Variants in COP1 observed in about 807,000 individuals in gnomAD.
The protein encoded by COP1 is E3 ubiquitin-protein ligase COP1.
A neutral mutation model predicts 101.3 loss-of-function variants in COP1; 24 were observed. The observed-to-expected ratio is 0.24, with a 90% CI of 0.17 to 0.33. The LOEUF is 0.33. Among genes scored for constraint, COP1 ranks in the 10% least tolerant of loss-of-function variants. The probability of loss-of-function intolerance (pLI) is 1.00; values close to 1 mark genes in which losing one functional copy is unlikely to be tolerated. For synonymous variants in COP1, 347 were observed against 341.9 expected, an observed-to-expected ratio of 1.01 and a Z score of -0.17; for missense variants, 663 against 906.2, an observed-to-expected ratio of 0.73 and a Z score of 3.45.
chr1:176,134,029 C>T (rs1689395842), intron 8 of COP1: 2 of 357,974 alleles, frequency 5.6e-6, no homozygotes, highest in Non-Finnish European at 1.1e-5. Context: ...AAGGATTCTC[C>T]ATACTATAAT....
chr1:176,125,368 G>A (rs149729146), intron 8 of COP1, among the ~76,000 whole-genome samples: 170 of 152,234 alleles, frequency 1.1e-3, no homozygotes, highest in African/African-American at 3.7e-3. Context: ...TAGTTTCACA[G>A]TTTGAGGCCT....
Position 176,112,869 on chromosome 1 carries a change from T to A in COP1, c.1026+3755A>T, listed in dbSNP as rs149397976. Among the ~76,000 whole-genome samples, 266 of 152,338 alleles carry A rather than the reference T, an allele frequency of 1.7e-3. 6 individuals are homozygous for A. In the East Asian group the frequency reaches 0.046, roughly 27 times the overall value. On this transcript the variant is annotated intron_variant, in intron 9 of 19. Transcript: ENST00000367669. ...CCTAATATAATGACCTCCAGTTCCA[T>A]CCATGTTGCTGCAAATGACAGGATT...
chr1:176,076,016 A>AAT (rs1360342153), intron 11 of COP1, among the ~76,000 whole-genome samples: 2 of 151,094 alleles, frequency 1.3e-5, no homozygotes, highest in African/African-American at 4.9e-5. Flanking sequence ...AAAAAAAAAA[A>AAT]AAAAAAATAG....
At chr1:176,039,755 C>G (rs575650685) in intron 14 of COP1, among the ~76,000 whole-genome samples, 2 of 152,230 alleles carry the variant, frequency 1.3e-5, no homozygotes, top group South Asian at 4.1e-4. Flanking sequence ...TAAAGATAAA[C>G]TCTTGCATAT....
intron 15 of COP1, among the ~76,000 whole-genome samples, chr1:176,022,905 C>T (rs1450071912): frequency 6.6e-6 from 1 of 152,174 alleles, no homozygotes; most frequent in Non-Finnish European, 1.5e-5. Context: ...ATCAGATGCA[C>T]TTATTTAAGA....
intron 18 of COP1, 79 bp from the exon 19 acceptor site, chr1:175,947,318 C>T: frequency 1.1e-6 from 1 of 921,202 alleles, no homozygotes; most frequent in Non-Finnish European, 1.8e-6. Flanking sequence ...CCTCTTCATC[C>T]TTCTTTCTTC....
chr1:176,039,802 T>G (rs1050899327), intron 14 of COP1, among the ~76,000 whole-genome samples: 3 of 152,022 alleles, frequency 2.0e-5, no homozygotes, highest in Non-Finnish European at 4.4e-5. Flanking sequence ...GCCAGACCAT[T>G]CAATAGGGAA....
At chr1:176,192,681 A>T (rs1699238765) in intron 1 of COP1, among the ~76,000 whole-genome samples, 1 of 152,144 alleles carries the variant, frequency 6.6e-6, no homozygotes, top group Non-Finnish European at 1.5e-5. Context: ...GTTCACACAG[A>T]AGAAAAACAA....
chr1:176,009,471 TAAGTA>T (rs1468390774), intron 15 of COP1, among the ~76,000 whole-genome samples: 3 of 152,192 alleles, frequency 2.0e-5, no homozygotes, highest in Admixed American at 6.5e-5. Flanking sequence ...GAAAGGCATA[TAAGTA>T]AAGGTTAAAT....
At chr1:175,991,219 G>A (rs1353146973) in intron 15 of COP1, among the ~76,000 whole-genome samples, 1 of 152,094 alleles carries the variant, frequency 6.6e-6, no homozygotes, top group African/African-American at 2.4e-5. Context: ...AACCTAGATG[G>A]TATAGACTAC....
chr1:176,003,357 A>C (rs1288628130), intron 15 of COP1, among the ~76,000 whole-genome samples: 1 of 152,076 alleles, frequency 6.6e-6, no homozygotes, highest in Non-Finnish European at 1.5e-5. Context: ...TAGTTTAATT[A>C]GATCCCATTT....
intron 3 of COP1, among the ~76,000 whole-genome samples, chr1:176,174,387 A>C (rs1333583055): frequency 6.6e-6 from 1 of 152,196 alleles, no homozygotes; most frequent in Non-Finnish European, 1.5e-5. Context: ...ATCAAGTATC[A>C]TCCTGCAAGG....
At chr1:176,102,611 C>A (rs1288824342) in intron 9 of COP1, among the ~76,000 whole-genome samples, 1 of 152,138 alleles carries the variant, frequency 6.6e-6, no homozygotes, top group Non-Finnish European at 1.5e-5. Context: ...ATGAAAACAG[C>A]CCTTTCCTTT....
At chr1:176,153,870 T>A (rs1204309701) in intron 5 of COP1, among the ~76,000 whole-genome samples, 1 of 152,222 alleles carries the variant, frequency 6.6e-6, no homozygotes, top group Non-Finnish European at 1.5e-5. Context: ...CTTTTGTAGT[T>A]CCATTCGTGT....
chr1:176,203,949 T>A (rs927083575), intron 1 of COP1, among the ~76,000 whole-genome samples: 4 of 152,094 alleles, frequency 2.6e-5, no homozygotes, highest in African/African-American at 9.7e-5. Flanking sequence ...AGCCTCCAAT[T>A]CAGGTACGTC....
At chr1:176,182,820 T>C (rs1016684566) in intron 2 of COP1, among the ~76,000 whole-genome samples, 1 of 152,214 alleles carries the variant, frequency 6.6e-6, no homozygotes, top group Non-Finnish European at 1.5e-5. Flanking sequence ...AGAAAGTGAT[T>C]CGTGAATCAT....
chr1:176,134,201 G>C (rs1689425402), intron 8 of COP1, among the ~76,000 whole-genome samples: 2 of 151,948 alleles, frequency 1.3e-5, no homozygotes, highest in African/African-American at 2.4e-5. Flanking sequence ...CTTCCTGATA[G>C]TACACATTAC....
At chr1:176,147,711 T>A (rs1691777762) in intron 6 of COP1, among the ~76,000 whole-genome samples, 1 of 152,302 alleles carries the variant, frequency 6.6e-6, no homozygotes, top group African/African-American at 2.4e-5. Flanking sequence ...ATGCCAAAGC[T>A]ATAAAATCAA....
chr1:176,075,934 T>C (rs560709185), intron 11 of COP1, among the ~76,000 whole-genome samples: 1 of 132,500 alleles, frequency 7.5e-6, no homozygotes, highest in East Asian at 2.2e-4. Flanking sequence ...ACCTGGGAGG[T>C]GGAGGTTGCA....
Sources: gnomAD v4.1 joint callset for allele counts (sites outside exome capture counted in the v4.1 genomes callset) on GRCh38, gnomAD v4.1.1 for gene constraint, MANE v1.5 for transcripts, NCBI Gene and HGNC (gene_info 2026-07-23, HGNC 2026-07-21) for gene names.